The following GGCX variants were observed in gnomAD, a reference collection of about 807,000 sequenced individuals.
GGCX encodes the protein gamma-glutamyl carboxylase.
In GGCX, 63 loss-of-function variants were observed where a neutral mutation model predicts 88.5. The ratio of observed to expected loss-of-function variants is 0.71; its 90% confidence interval spans 0.58 to 0.88. The LOEUF (loss-of-function observed/expected upper bound fraction) is 0.88. GGCX is among the 40% of genes least tolerant of loss of function. The probability of loss-of-function intolerance (pLI) is 0.00; values close to 1 mark genes in which losing one functional copy is unlikely to be tolerated. For synonymous variants in GGCX, 368 were observed against 365.8 expected (o/e 1.01, Z -0.07); for missense variants, 805 against 932.9 (o/e 0.86, Z 1.79).
Position 85,550,628 on chromosome 2 carries a change from G to A in GGCX, c.2011C>T (p.Arg671Cys), listed in dbSNP as rs748879154. The change falls in exon 14 of 15, where the codon CGC (arginine) becomes TGC (cysteine). Residue 671 changes from arginine (R) to cysteine (C), a missense_variant. Transcript: ENST00000233838. ...TCATGGAAAGGAGTATTTCGCCGGC[G>A]TTCAATCTCCTGGAGCCTTTGTTGG... ...RRQQRLQEIE[R>C]RRNTPFHERF... 1.1e-5 allele frequency: 18 copies of A among 1,613,946 alleles called. No individual in the cohort carries two copies. The highest frequency in any genetic ancestry group is 8.9e-5 in the East Asian group (4 of 44,884).
At position 85,551,081 on chromosome 2, in the gene GGCX, G is replaced by A. The variant is rs1691927840; in HGVS notation, c.1741-9C>T. On this transcript the variant is annotated splice_polypyrimidine_tract_variant and intron_variant, in intron 12 of 14. Coordinates refer to ENST00000233838, the MANE Select transcript of GGCX (RefSeq NM_000821.7). Reference sequence around the variant, plus strand: ...TACTCACCAGCAGGCAACTGACAAGGGAGAAGAAATGGATAAATTTCATCA... The same window carrying A: ...TACTCACCAGCAGGCAACTGACAAGAGAGAAGAAATGGATAAATTTCATCA... 5.6e-6 allele frequency: 9 copies of A among 1,613,246 alleles called. No individual in the cohort carries two copies. Among genetic ancestry groups the A allele is most frequent in the Non-Finnish European group, 7.6e-6 (9 of 1,179,270 alleles).
Position 85,546,416 on chromosome 2 carries a change from TAAA to T in GGCX, c.*3515_*3517del, listed in dbSNP as rs11415157. On this transcript the variant is annotated 3_prime_UTR_variant, in exon 15 of 15. Coordinates refer to ENST00000233838, the MANE Select transcript of GGCX (RefSeq NM_000821.7). Reference sequence around the variant, plus strand: ...CCGGCCAGGGTAACAGAGTGAGACTTAAAAAAAAAGCCGTGGAAATCTGGGTAT... The same window carrying T: ...CCGGCCAGGGTAACAGAGTGAGACTTAAAAAAGCCGTGGAAATCTGGGTAT... The T allele has an allele frequency of 6.7e-6, 1 of 150,336 alleles. No homozygotes were observed. Among genetic ancestry groups the T allele is most frequent in the South Asian group, 2.1e-4 (1 of 4,754 alleles). 9.3% of individuals were successfully genotyped at this position (150,336 alleles called of 1,614,324 possible).
intron 14 of GGCX, 41 bp downstream of exon 14, chr2:85,550,514 C>G: frequency 6.8e-7 from 1 of 1,479,464 alleles, no homozygotes; most frequent in Non-Finnish European, 9.5e-7. Flanking sequence ...ACCAAGCTTG[C>G]CAACATATGA....
chr2:85,554,245 C>A lies in GGCX; in HGVS notation c.787G>T (p.Asp263Tyr). Residue 263 changes from aspartate to tyrosine, a missense_variant, in exon 7 of 15, where the codon GAC becomes TAC. Transcript: ENST00000233838. ...LVVHWGGLLLDLSAGFLLFFD... is the reference protein window; with the variant it reads ...LVVHWGGLLLYLSAGFLLFFD... ...AAGAGCAGGAAACCAGCTGAGAGGT[C>A]AAGCAGCAGCCCACCCCAGTGCACG... The A allele has an allele frequency of 1.2e-6, 2 of 1,613,854 alleles. No homozygotes were observed. The highest frequency in any genetic ancestry group is 1.7e-6 in the Non-Finnish European group (2 of 1,179,750).
chr2:85,558,792 T>C (rs984941469), intron 3 of GGCX, 125 bp downstream of exon 3: 5 of 931,614 alleles, frequency 5.4e-6, no homozygotes, highest in Non-Finnish European at 8.8e-6. Context: ...GACACACAGG[T>C]CAACAGCATG....
chr2:85,550,953 T>G lies in GGCX; in HGVS notation c.1860A>C (p.Glu620Asp). The change falls in exon 13 of 15, where the codon GAA becomes GAC. Residue 620 changes from glutamate (E) to aspartate (D), a missense_variant. By Grantham distance (45) the Glu-to-Asp change is conservative. Around this residue, in one of 3 missense-constraint regions of GGCX, gnomAD observed 680 missense variants for 763.7 expected, o/e 0.89. Transcript: ENST00000233838. ...TTCCATTCTCCACCTTTTCCTTTAA[T>G]TCTTGCAGATATGCCAGGTCTTGCT... Reference protein sequence around the residue: ...ALEQDLAYLQELKEKVENGSE... With the variant: ...ALEQDLAYLQDLKEKVENGSE... 1 of 1,614,204 alleles carries G rather than the reference T, an allele frequency of 6.2e-7. No homozygotes were observed. Among genetic ancestry groups the G allele is most frequent in the Non-Finnish European group, 8.5e-7 (1 of 1,180,020 alleles).
chr2:85,545,633 T>C lies in GGCX; in HGVS notation c.*4301A>G, dbSNP rs1453318589. 6.6e-6 allele frequency: 1 copy of C among 152,186 alleles called. No homozygotes were observed. The highest frequency in any genetic ancestry group is 1.5e-5 in the Non-Finnish European group (1 of 68,046). The allele number at this position is 152,186 out of a possible 1,614,324, so 9.4% of individuals were successfully genotyped here. A position where few individuals can be genotyped will look rare whatever the true frequency, so the allele number is the denominator to read the frequency against. ...CCTAGTCCACTTAAGCCAAAATTCA[T>C]GTGTCCTTATTGCAGCAGCCATTCA... On this transcript the variant is annotated 3_prime_UTR_variant, in exon 15 of 15. Coordinates refer to ENST00000233838, the MANE Select transcript of GGCX (RefSeq NM_000821.7).
At position 85,551,957 on chromosome 2, in the gene GGCX, G is replaced by C; in HGVS notation, c.1464C>G (p.Ile488Met). ...QQRIFDPRVD[I>M]VQAAWSPFQR... ...GAAAGGGTGACCAAGCGGCCTGCACGATGTCCACACGAGGGTCAAAAATCC... is the reference window on the plus strand; with the variant it reads ...GAAAGGGTGACCAAGCGGCCTGCACCATGTCCACACGAGGGTCAAAAATCC... The change falls in exon 11 of 15, where the codon ATC (isoleucine) becomes ATG (methionine). Residue 488 changes from isoleucine to methionine, a missense_variant. Transcript: ENST00000233838. The C allele has an allele frequency of 6.2e-7, 1 of 1,613,944 alleles. No individual in the cohort carries two copies. Among genetic ancestry groups the C allele is most frequent in the Non-Finnish European group, 8.5e-7 (1 of 1,179,864 alleles).
chr2:85,550,084 G>A lies in GGCX; in HGVS notation c.2127C>T (p.Gly709=). ...TCISLRNLIL[G]RPSLEQLAQE... is the part of the protein sequence containing the mutation. ...GGGCCAGCTGCTCCAGGGAAGGACG[G>A]CCTAATATCAGATTTCGAAGTGAGA... The change falls in exon 15 of 15, where the codon GGC becomes GGT. Residue 709 remains glycine (G), a synonymous_variant. Transcript: ENST00000233838. The A allele has an allele frequency of 1.2e-6, 2 of 1,613,746 alleles. No homozygotes were observed. Among genetic ancestry groups the A allele is most frequent in the Non-Finnish European group, 1.7e-6 (2 of 1,179,672 alleles).
Position 85,553,377 on chromosome 2 carries a change from G to A in GGCX, c.1010C>T (p.Pro337Leu). The A allele has an allele frequency of 6.2e-7, 1 of 1,614,244 alleles. No individual in the cohort carries two copies. Residue 337 changes from proline (P) to leucine (L), a missense_variant, in exon 8 of 15, where the codon CCT becomes CTT. Coordinates refer to ENST00000233838, the MANE Select transcript of GGCX (RefSeq NM_000821.7). ...ATACACACAGGAAACACTGGGCTGA[G>A]GGGCTGCCTTGAGGGGCAACAGTTG... is the stretch of plus-strand genomic sequence containing the variant. ...LQQLLPLKAA[P>L]QPSVSCVYKR...
At position 85,545,245 on chromosome 2, in the gene GGCX, A is replaced by T. The variant is rs554866641; in HGVS notation, c.*4689T>A. ...TCTGGTTCTCAATTCCAACAGTTTA[A>T]TGAAGATCTAAATAAAATGCTAGGT... On this transcript the variant is annotated 3_prime_UTR_variant, in exon 15 of 15. Coordinates refer to ENST00000233838, the MANE Select transcript of GGCX (RefSeq NM_000821.7). The T allele has an allele frequency of 2.6e-4, 39 of 152,712 alleles. No homozygotes were observed. The highest frequency in any genetic ancestry group is 6.5e-4 in the Admixed American group (10 of 15,294). 9.5% of individuals were successfully genotyped at this position (152,712 alleles called of 1,614,324 possible). A position where few individuals can be genotyped will look rare whatever the true frequency, so the allele number is the denominator to read the frequency against.
At position 85,550,568 on chromosome 2, in the gene GGCX, CAT is replaced by C. The variant is rs765866339; in HGVS notation, c.2069_2070del (p.Tyr690CysfsTer39). ...TTGTGAACTTACCTGCGGCGAAAGA[CAT>C]AGAGCTTTCGCAACAAGAAGCGGAA... ...RFFRFLLRKLYVFRRSFLMTC... is the reference protein window; with the variant it reads ...RFFRFLLRKLXVFRRSFLMTC... On this transcript the variant is annotated frameshift_variant, in exon 14 of 15. Coordinates refer to ENST00000233838, the MANE Select transcript of GGCX (RefSeq NM_000821.7). LOFTEE classifies it high-confidence loss of function. 30 of 1,612,564 alleles carry C rather than the reference CAT, an allele frequency of 1.9e-5. No individual in the cohort carries two copies. The East Asian group carries it at 2.7e-4, about 14-fold the overall frequency.
At chr2:85,561,276 A>AGGCCCCCCCCCCCCCCCCCCCGG in intron 1 of GGCX, 110 bp downstream of exon 1, 1 of 557,294 alleles carries the variant, frequency 1.8e-6, no homozygotes, top group South Asian at 2.0e-5. Flanking sequence ...TTCCCCACAG[A>AGGCCCCCCCCCCCCCCCCCCCGG]GGACCCCCCC....
intron 2 of GGCX, among the ~76,000 whole-genome samples, chr2:85,560,228 G>C (rs976736274): frequency 6.6e-6 from 1 of 152,130 alleles, no homozygotes; most frequent in African/African-American, 2.4e-5. Context: ...CTGTTTCTCT[G>C]AGTCTTCTGG....
intron 12 of GGCX, 130 bp downstream of exon 12, chr2:85,551,350 G>C: frequency 1.1e-6 from 1 of 906,898 alleles, no homozygotes; most frequent in Admixed American, 1.7e-5. Flanking sequence ...GTTAGAGATG[G>C]GGTCTCACTC....
chr2:85,549,877 C>A lies in GGCX; in HGVS notation c.*57G>T. ...ATTTTTTTCAAATAAATGTCCATTG[C>A]ATAGAATGGGTCTGTGACTGGCTGC... On this transcript the variant is annotated 3_prime_UTR_variant, in exon 15 of 15. Transcript: ENST00000233838. 1 of 1,008,678 alleles carries A rather than the reference C, an allele frequency of 9.9e-7. No individual in the cohort carries two copies. The highest frequency in any genetic ancestry group is 1.5e-6 in the Non-Finnish European group (1 of 676,524). 62.5% of individuals were successfully genotyped at this position (1,008,678 alleles called of 1,614,324 possible).
intron 2 of GGCX, 108 bp downstream of exon 2, chr2:85,560,707 T>C (rs1251130551): frequency 2.3e-6 from 2 of 878,276 alleles, no homozygotes; most frequent in Non-Finnish European, 3.9e-6. Context: ...TTTATACCAA[T>C]GTCTTCAGCT....
intron 6 of GGCX, 187 bp downstream of exon 6, chr2:85,555,297 C>T: frequency 1.8e-6 from 1 of 562,828 alleles, no homozygotes; most frequent in Non-Finnish European, 3.2e-6. Context: ...ATATATCTCC[C>T]AAGAGCAGCT....
Position 85,549,518 on chromosome 2 carries a change from G to A in GGCX, c.*416C>T, listed in dbSNP as rs1200003554. 3 of 218,826 alleles carry A rather than the reference G, an allele frequency of 1.4e-5. No individual in the cohort carries two copies. Among genetic ancestry groups the A allele is most frequent in the African/African-American group, 2.4e-5 (1 of 42,272 alleles). The allele number at this position is 218,826 out of a possible 1,614,324, so 13.6% of individuals were successfully genotyped here. ...TTGGATTACAGGCACCCACCACCAC[G>A]TCTGGCTAATTTTTGTATTTTTAGT... On this transcript the variant is annotated 3_prime_UTR_variant, in exon 15 of 15. Coordinates refer to ENST00000233838, the MANE Select transcript of GGCX (RefSeq NM_000821.7).
Sources: allele counts gnomAD v4.1 joint callset (sites outside exome capture counted in the v4.1 genomes callset), GRCh38; gene constraint gnomAD v4.1.1; regional missense constraint gnomAD v4.1.1; transcripts MANE v1.5; gene names NCBI Gene and HGNC (gene_info 2026-07-23, HGNC 2026-07-21).